TCEANC: variants seen among roughly 807,000 people sequenced by gnomAD.
The protein encoded by TCEANC is transcription elongation factor A N-terminal and central domain containing, also known as transcription elongation factor A N-terminal and central domain-containing protein.
A neutral mutation model predicts 8.7 loss-of-function variants in TCEANC; 8 were observed. The ratio of observed to expected loss-of-function variants is 0.92; its 90% CI spans 0.54 to 1.65. TCEANC has a LOEUF of 1.65. TCEANC is among the 40% of genes most tolerant of loss of function. The pLI, the probability that TCEANC is intolerant of heterozygous loss-of-function variation, is 0.00. For synonymous variants in TCEANC, 78 were observed against 92.9 expected (o/e 0.84, Z 0.92); for missense variants, 255 against 251.9 (o/e 1.01, Z -0.08).
chrX:13,663,552 G>C (rs749540975), exon 2 of TCEANC: 2 of 1,143,749 alleles, frequency 1.7e-6, no homozygotes, highest in Non-Finnish European at 2.3e-6. Context: ...ATAGCAAGTG[G>C]GTGTGCTGGT....
intron 1 of TCEANC, among the ~76,000 whole-genome samples, chrX:13,660,229 A>G (rs1389266912): frequency 8.9e-6 from 1 of 112,296 alleles, no homozygotes; most frequent in East Asian, 2.8e-4. Context: ...TTTCACATGT[A>G]ATTCTTAAAT....
chrX:13,662,648 A>T, exon 2 of TCEANC: 1 of 1,211,785 alleles, frequency 8.3e-7, no homozygotes, highest in Non-Finnish European at 1.1e-6. Flanking sequence ...CAGGAGACAG[A>T]TGTGGTCAGA....
chrX:13,655,254 T>C (rs1051346573), upstream of TCEANC: 3 of 112,219 alleles, frequency 2.7e-5, no homozygotes, highest in Non-Finnish European at 3.8e-5. Flanking sequence ...TTTCCTCACC[T>C]GTAAGATGAA....
intron 1 of TCEANC, among the ~76,000 whole-genome samples, chrX:13,662,190 G>C (rs185925715): frequency 5.9e-4 from 66 of 111,782 alleles, no homozygotes; most frequent in Middle Eastern, 4.6e-3. Context: ...AATCTAGAAA[G>C]ATCATTGATT....
At chrX:13,663,688 G>A (rs772917209) in exon 2 of TCEANC, 27 of 676,021 alleles carry the variant, frequency 4.0e-5, no homozygotes, top group Admixed American at 1.4e-4. Flanking sequence ...AAAGAAAGTC[G>A]TTAGCTGAAG....
chrX:13,664,517 C>T (rs951494322), exon 2 of TCEANC: 5 of 122,972 alleles, frequency 4.1e-5, no homozygotes, highest in African/African-American at 1.3e-4. Context: ...GAAGGAGTTT[C>T]GTAGTTGTTT....
chrX:13,662,388 C>A, intron 1 of TCEANC, 113 bp from the exon 5 acceptor site: 1 of 662,404 alleles, frequency 1.5e-6, no homozygotes, highest in Non-Finnish European at 2.3e-6. Context: ...TATTACATGA[C>A]TCTTTCGGAA....
chrX:13,659,831 T>C (rs1393839020), intron 1 of TCEANC, 63 bp downstream of exon 3: 1 of 111,937 alleles, frequency 8.9e-6, no homozygotes, highest in Non-Finnish European at 1.9e-5. Context: ...TTCACCATGT[T>C]GGCCAGGATA....
exon 2 of TCEANC, chrX:13,663,474 G>T: frequency 8.5e-7 from 1 of 1,177,449 alleles, no homozygotes; most frequent in Non-Finnish European, 1.1e-6. Flanking sequence ...GCTGGGTGCG[G>T]AATTCAAACC....
exon 2 of TCEANC, chrX:13,662,917 C>T (rs2045979810): frequency 9.1e-6 from 11 of 1,211,452 alleles, no homozygotes; most frequent in Non-Finnish European, 1.1e-5. Flanking sequence ...AATGATTGTG[C>T]CTGAAAATAG....
intron 1 of TCEANC, among the ~76,000 whole-genome samples, chrX:13,656,630 A>C (rs187179810): frequency 8.9e-6 from 1 of 112,964 alleles, no homozygotes; most frequent in Non-Finnish European, 1.9e-5. Flanking sequence ...GCAGGGTCTC[A>C]AAGAGAGATT....
exon 2 of TCEANC, chrX:13,663,161 A>G (rs778890798): frequency 8.3e-7 from 1 of 1,206,678 alleles, no homozygotes; most frequent in Non-Finnish European, 1.1e-6. Flanking sequence ...AAGAACATCA[A>G]AAAATATAAA....
At chrX:13,663,724 CAG>C in exon 2 of TCEANC, 1 of 497,717 alleles carries the variant, frequency 2.0e-6, no homozygotes, top group Non-Finnish European at 3.2e-6. Context: ...CTAAAAGTTA[CAG>C]TTTGGGGAGA....
intron 1 of TCEANC, among the ~76,000 whole-genome samples, chrX:13,656,245 A>G (rs149830521): frequency 0.031 from 3,532 of 112,174 alleles, 66 homozygotes; most frequent in Non-Finnish European, 0.047. Context: ...TATTACTCCC[A>G]CTAGGCTATC....
chrX:13,656,925 T>A (rs2045927985), intron 1 of TCEANC, among the ~76,000 whole-genome samples: 1 of 110,928 alleles, frequency 9.0e-6, no homozygotes, highest in African/African-American at 3.3e-5. Flanking sequence ...GAAAGTCGAG[T>A]GGTGATTGCC....
chrX:13,660,143 A>G (rs1404511644), intron 1 of TCEANC, among the ~76,000 whole-genome samples: 3 of 112,514 alleles, frequency 2.7e-5, no homozygotes, highest in Non-Finnish European at 5.6e-5. Context: ...GAGGAAAATA[A>G]CAAATGAAAA....
Position 13,664,240 on chromosome X carries a change from A to G in TCEANC, c.*676A>G, listed in dbSNP as rs766902636. 3 of 123,490 alleles carry G rather than the reference A, an allele frequency of 2.4e-5. No individual in the cohort carries two copies. The East Asian group carries it at 8.4e-4, about 35-fold the overall frequency. The allele number at this position is 123,490 out of a possible 1,213,427, so 10.2% of individuals were successfully genotyped here. Reference sequence around the variant, plus strand: ...AGAGGTGTGGTGACATGTCCAAGTGACACAACCATAAATAGTACCAATTCT... The same window carrying G: ...AGAGGTGTGGTGACATGTCCAAGTGGCACAACCATAAATAGTACCAATTCT... On this transcript the variant is annotated 3_prime_UTR_variant, in exon 2 of 2. Coordinates refer to ENST00000380600, the Ensembl canonical transcript of TCEANC.
intron 1 of TCEANC, among the ~76,000 whole-genome samples, chrX:13,660,551 A>G (rs2045958763): frequency 8.9e-6 from 1 of 112,297 alleles, no homozygotes; most frequent in African/African-American, 3.2e-5. Flanking sequence ...AAATCATACA[A>G]TATGTGGACT....
At chrX:13,658,301 T>C (rs2045939982) in intron 1 of TCEANC, among the ~76,000 whole-genome samples, 1 of 111,994 alleles carries the variant, frequency 8.9e-6, no homozygotes, top group African/African-American at 3.3e-5. Flanking sequence ...TTATACACTT[T>C]AGGGGAATTG....
Sources: gnomAD v4.1 joint callset for allele counts (sites outside exome capture counted in the v4.1 genomes callset) on GRCh38, gnomAD v4.1.1 for gene constraint, MANE v1.5 for transcripts, NCBI Gene and HGNC (gene_info 2026-07-23, HGNC 2026-07-21) for gene names.